The following CNTN6 variants were observed in gnomAD, a reference collection of about 807,000 sequenced individuals.
CNTN6 encodes contactin 6.
In CNTN6, 137 loss-of-function variants were observed where a neutral mutation model predicts 122.8. That is an observed-to-expected ratio of 1.12 (90% CI 0.97 to 1.29). The LOEUF (loss-of-function observed/expected upper bound fraction) is 1.29, where lower values mean the gene tolerates loss of function less well. Among genes scored for constraint, CNTN6 ranks in the 50% most tolerant of loss-of-function variants. CNTN6 has a pLI of 0.00. For missense variants in CNTN6, 1,634 were observed against 1,223.4 expected (o/e 1.34, Z -5.01); for synonymous variants, 570 against 426.0 (o/e 1.34, Z -4.16).
intron 4 of CNTN6, among the ~76,000 whole-genome samples, chr3:1,264,938 C>T (rs529394351): frequency 6.6e-6 from 1 of 151,570 alleles, no homozygotes; most frequent in African/African-American, 2.4e-5. Context: ...TTTTTGATTC[C>T]TTGTATGAGT....
intron 4 of CNTN6, among the ~76,000 whole-genome samples, chr3:1,247,832 G>A (rs1366521134): frequency 6.6e-6 from 1 of 151,818 alleles, no homozygotes; most frequent in Non-Finnish European, 1.5e-5. Flanking sequence ...TATCTATTAA[G>A]CCTTTTACAT....
At chr3:1,381,836 C>G (rs76178064) in intron 17 of CNTN6, among the ~76,000 whole-genome samples, 2 of 152,082 alleles carry the variant, frequency 1.3e-5, no homozygotes, top group African/African-American at 4.8e-5. Flanking sequence ...CATATGCAAA[C>G]TCTGTGAGAG....
chr3:1,189,915 T>C (rs1206522562), intron 2 of CNTN6, among the ~76,000 whole-genome samples: 3 of 152,176 alleles, frequency 2.0e-5, no homozygotes, highest in African/African-American at 4.8e-5. Context: ...ACAAAATTAG[T>C]AGCAAAATGA....
chr3:1,377,578 A>C (rs1710062525), intron 17 of CNTN6, among the ~76,000 whole-genome samples: 1 of 152,138 alleles, frequency 6.6e-6, no homozygotes, highest in Admixed American at 6.5e-5. Flanking sequence ...ACCTTATTAA[A>C]AATTTCAGTC....
Position 1,114,993 on chromosome 3 carries a change from CCTT to C in CNTN6, c.-83+21877_-83+21879del, listed in dbSNP as rs1280745169. Reference sequence around the variant, plus strand: ...CTCATCTGAAAGTCTGTCACTTAGACCTTCTTTTTCTCTCAACCTACGGGAGGT... The same window carrying C: ...CTCATCTGAAAGTCTGTCACTTAGACCTTTTTCTCTCAACCTACGGGAGGT... On this transcript the variant is annotated intron_variant, in intron 1 of 22. Transcript: ENST00000446702. 8.5e-5 allele frequency among the ~76,000 whole-genome samples: 13 copies of C among 152,186 alleles called. No homozygotes were observed. In the East Asian group the frequency reaches 2.5e-3, roughly 30 times the overall value.
Position 1,297,995 on chromosome 3 carries a change from AGGTTTT to A in CNTN6, c.761+5_761+10del, listed in dbSNP as rs1339781864. On this transcript the variant is annotated splice_donor_5th_base_variant and intron_variant, in intron 7 of 22. Transcript: ENST00000446702. The stretch of plus-strand genomic sequence containing the variant: ...TGGAATGTTTTGCCCTTGGAAAGTA[AGGTTTT>A]TGTTTTTGTTTTTGTTTTCCTGGTT... 5.8e-6 allele frequency: 9 copies of A among 1,549,022 alleles called. No homozygotes were observed. The highest frequency in any genetic ancestry group is 7.7e-6 in the Non-Finnish European group (9 of 1,161,874).
At chr3:1,116,302 C>T (rs367922399) in intron 1 of CNTN6, among the ~76,000 whole-genome samples, 15 of 152,074 alleles carry the variant, frequency 9.9e-5, no homozygotes, top group African/African-American at 2.7e-4. Flanking sequence ...CTAGCAAAAT[C>T]GAAGGAATGA....
chr3:1,271,175 G>T (rs2095020194), intron 4 of CNTN6, among the ~76,000 whole-genome samples: 1 of 152,192 alleles, frequency 6.6e-6, no homozygotes, highest in African/African-American at 2.4e-5. Context: ...ATGGCGCCTT[G>T]TCTAGAAACA....
chr3:1,352,149 G>A (rs1435453860), intron 11 of CNTN6, among the ~76,000 whole-genome samples, 175 bp from the exon 12 acceptor site: 1 of 151,842 alleles, frequency 6.6e-6, no homozygotes, highest in Non-Finnish European at 1.5e-5. Context: ...GCCATTTACT[G>A]TAATATGTAG....
rs902282233 is a variant in CNTN6, at chr3:1,321,894, T to A, written c.946+60T>A. 2.1e-6 allele frequency: 3 copies of A among 1,399,890 alleles called. No homozygotes were observed. The African/African-American group carries it at 4.4e-5, about 20-fold the overall frequency. The allele number at this position is 1,399,890 out of a possible 1,614,324, so 86.7% of individuals were successfully genotyped here. A position where few individuals can be genotyped will look rare whatever the true frequency, so the allele number is the denominator to read the frequency against. On this transcript the variant is annotated intron_variant, in intron 8 of 22. Transcript: ENST00000446702. ...TTTGGTAATGCCCTTCATAATAAATTGTGGAAGTCATTAGCATGTTGTGAA... is the reference window on the plus strand; with the variant it reads ...TTTGGTAATGCCCTTCATAATAAATAGTGGAAGTCATTAGCATGTTGTGAA...
intron 2 of CNTN6, among the ~76,000 whole-genome samples, chr3:1,174,321 T>C (rs927327276): frequency 7.2e-5 from 11 of 152,210 alleles, no homozygotes; most frequent in Non-Finnish European, 1.0e-4. Context: ...GTCTTTTAAT[T>C]GGCATAGGAG....
At chr3:1,401,184 A>G (rs1396643779) in intron 20 of CNTN6, 1 of 392,232 alleles carries the variant, frequency 2.5e-6, no homozygotes, top group East Asian at 5.7e-5. Context: ...ATGATTAATA[A>G]ATTAATACTG....
At chr3:1,260,131 C>A (rs2094821324) in intron 4 of CNTN6, among the ~76,000 whole-genome samples, 1 of 152,146 alleles carries the variant, frequency 6.6e-6, no homozygotes, top group African/African-American at 2.4e-5. Flanking sequence ...GCCTATAAAC[C>A]ATTTGCTGAT....
At chr3:1,183,520 C>T (rs1405124290) in intron 2 of CNTN6, among the ~76,000 whole-genome samples, 3 of 151,740 alleles carry the variant, frequency 2.0e-5, no homozygotes, top group Non-Finnish European at 4.4e-5. Context: ...GCACAATACA[C>T]AACTAGATTT....
At chr3:1,185,138 A>AT (rs1350526879) in intron 2 of CNTN6, among the ~76,000 whole-genome samples, 12 of 152,154 alleles carry the variant, frequency 7.9e-5, no homozygotes, top group Non-Finnish European at 1.5e-4. Context: ...TGCTCATAAA[A>AT]TTTTTAGCTA....
intron 2 of CNTN6, among the ~76,000 whole-genome samples, chr3:1,159,698 C>G (rs1575067246): frequency 6.6e-6 from 1 of 151,682 alleles, no homozygotes; most frequent in Non-Finnish European, 1.5e-5. Context: ...TAAAAATAAT[C>G]TGGTTCTCAA....
intron 7 of CNTN6, among the ~76,000 whole-genome samples, chr3:1,302,642 A>G (rs1429370583): frequency 6.6e-6 from 1 of 152,126 alleles, no homozygotes; most frequent in Non-Finnish European, 1.5e-5. Context: ...CTTTTGTTAA[A>G]TGTTTGTTTA....
rs144724952 is a variant in CNTN6, at chr3:1,275,767, T to C, written c.359-2646T>C. Reference sequence around the variant, plus strand: ...CATGCGCGGTTCACAATAGGGTTTGTGTTCCTATGAGAATCTAATGCCACT... The same window carrying C: ...CATGCGCGGTTCACAATAGGGTTTGCGTTCCTATGAGAATCTAATGCCACT... On this transcript the variant is annotated intron_variant, in intron 4 of 22. Coordinates refer to ENST00000446702, the MANE Select transcript of CNTN6 (RefSeq NM_001289080.2). 3.6e-3 allele frequency among the ~76,000 whole-genome samples: 552 copies of C among 151,588 alleles called. 1 individual carries two copies. The highest frequency in any genetic ancestry group is 6.1e-3 in the Non-Finnish European group (411 of 67,856).
chr3:1,291,999 C>A (rs1378557906), intron 5 of CNTN6, among the ~76,000 whole-genome samples: 3 of 152,062 alleles, frequency 2.0e-5, no homozygotes, highest in Non-Finnish European at 2.9e-5. Flanking sequence ...TTCGTAGAAG[C>A]TTAGGTTTAA....
Sources: gnomAD v4.1 joint callset for allele counts (sites outside exome capture counted in the v4.1 genomes callset) on GRCh38, gnomAD v4.1.1 for gene constraint, MANE v1.5 for transcripts, NCBI Gene and HGNC (gene_info 2026-07-23, HGNC 2026-07-21) for gene names.